The following DLG2 variants were observed in gnomAD, a reference collection of about 807,000 sequenced individuals.
The protein encoded by DLG2 is disks large homolog 2.
A neutral mutation model predicts 132.5 loss-of-function variants in DLG2; 45 were observed. The ratio of observed to expected loss-of-function variants is 0.34; its 90% CI spans 0.27 to 0.44. The LOEUF (loss-of-function observed/expected upper bound fraction) is 0.44, where lower values mean the gene tolerates loss of function less well. Among genes scored for constraint, DLG2 ranks in the 20% least tolerant of loss-of-function variants. DLG2 has a pLI of 1.00. For synonymous variants in DLG2, 424 were observed against 419.6 expected, an observed-to-expected ratio of 1.01 and a Z score of -0.13; for missense variants, 1,045 against 1,196.9, an observed-to-expected ratio of 0.87 and a Z score of 1.87.
chr11:84,260,192 A>G (rs1302368679), intron 7 of DLG2, among the ~76,000 whole-genome samples: 2 of 152,220 alleles, frequency 1.3e-5, no homozygotes, highest in Non-Finnish European at 2.9e-5. Context: ...TGAAGCACAG[A>G]AAGTAGAGAC....
intron 9 of DLG2, among the ~76,000 whole-genome samples, chr11:84,106,081 G>C (rs2092890828): frequency 1.3e-5 from 2 of 151,876 alleles, no homozygotes; most frequent in African/African-American, 4.8e-5. Context: ...AATATAAGTA[G>C]GTAGAATAAA....
At chr11:84,146,965 A>G (rs559015726) in intron 9 of DLG2, among the ~76,000 whole-genome samples, 1 of 152,230 alleles carries the variant, frequency 6.6e-6, no homozygotes, top group African/African-American at 2.4e-5. Flanking sequence ...TATGGCAAAA[A>G]GACCACATAG....
intron 16 of DLG2, among the ~76,000 whole-genome samples, chr11:83,855,108 A>G (rs928097747): frequency 2.0e-5 from 3 of 152,216 alleles, no homozygotes; most frequent in Non-Finnish European, 4.4e-5. Context: ...AATGCAAATT[A>G]TAACAATAAT....
intron 5 of DLG2, among the ~76,000 whole-genome samples, chr11:85,149,495 T>C (rs1025632314): frequency 2.6e-5 from 4 of 152,162 alleles, no homozygotes; most frequent in East Asian, 1.9e-4. Context: ...TCCCATCCCA[T>C]CTTTGTTCTA....
intron 4 of DLG2, among the ~76,000 whole-genome samples, chr11:85,179,841 G>T (rs1045250736): frequency 6.6e-6 from 1 of 151,864 alleles, no homozygotes; most frequent in African/African-American, 2.4e-5. Flanking sequence ...TTCTGCAAGT[G>T]CTTTACAAAG....
intron 7 of DLG2, among the ~76,000 whole-genome samples, chr11:84,253,994 G>A (rs919249097): frequency 1.9e-4 from 29 of 152,202 alleles, no homozygotes; most frequent in South Asian, 1.7e-3. Flanking sequence ...CAGGTTAGAC[G>A]TTGAACACAG....
At chr11:84,839,534 A>G (rs1457228538) in intron 6 of DLG2, among the ~76,000 whole-genome samples, 1 of 152,154 alleles carries the variant, frequency 6.6e-6, no homozygotes, top group Non-Finnish European at 1.5e-5. Context: ...CCGCATTGCC[A>G]AGACAATCCT....
At chr11:84,131,679 T>C (rs951888535) in intron 9 of DLG2, among the ~76,000 whole-genome samples, 81 of 151,816 alleles carry the variant, frequency 5.3e-4, no homozygotes, top group African/African-American at 1.8e-3. Flanking sequence ...ATGGGCCTTA[T>C]ATGCAAAGGT....
At chr11:83,784,787 A>G (rs2153882044) in intron 18 of DLG2, among the ~76,000 whole-genome samples, 2 of 152,334 alleles carry the variant, frequency 1.3e-5, no homozygotes, top group African/African-American at 4.8e-5. Flanking sequence ...ACACTTGATC[A>G]CTATCGAGAG....
At chr11:84,391,215 A>G (rs536920133) in intron 7 of DLG2, among the ~76,000 whole-genome samples, 54 of 152,328 alleles carry the variant, frequency 3.5e-4, no homozygotes, top group African/African-American at 1.3e-3. Flanking sequence ...AGCTCTAAAA[A>G]CAAGTGCTGA....
At chr11:84,921,770 T>C (rs184646630) in intron 6 of DLG2, among the ~76,000 whole-genome samples, 60 of 152,316 alleles carry the variant, frequency 3.9e-4, no homozygotes, top group African/African-American at 1.2e-3. Context: ...GTCATACCCA[T>C]ACTTTGGAAC....
chr11:84,745,161 T>G (rs1308270055), intron 6 of DLG2, among the ~76,000 whole-genome samples: 1 of 152,178 alleles, frequency 6.6e-6, no homozygotes, highest in East Asian at 1.9e-4. Context: ...TACCTATAAT[T>G]TATATGTAAG....
At chr11:85,487,708 G>A (rs2093461576) in intron 3 of DLG2, among the ~76,000 whole-genome samples, 1 of 152,074 alleles carries the variant, frequency 6.6e-6, no homozygotes, top group Admixed American at 6.5e-5. Context: ...ACAAATTATT[G>A]GTAGTTCCAA....
At chr11:84,735,097 CTCT>C (rs1276674280) in intron 6 of DLG2, among the ~76,000 whole-genome samples, 2 of 151,984 alleles carry the variant, frequency 1.3e-5, no homozygotes, top group Non-Finnish European at 2.9e-5. Flanking sequence ...GTCTAAAATT[CTCT>C]TTTTTGATTC....
intron 6 of DLG2, among the ~76,000 whole-genome samples, chr11:85,046,805 G>A (rs1443360822): frequency 1.3e-5 from 2 of 151,430 alleles, no homozygotes; most frequent in Non-Finnish European, 2.9e-5. Context: ...AAACCCCTTT[G>A]AATCCTAACT....
chr11:85,281,654 C>T (rs1474223167), intron 4 of DLG2, among the ~76,000 whole-genome samples: 1 of 151,896 alleles, frequency 6.6e-6, no homozygotes, highest in African/African-American at 2.4e-5. Flanking sequence ...ATCTGTCCTC[C>T]TCTTTGAGCT....
chr11:84,969,109 TC>T (rs1183144350), intron 6 of DLG2, among the ~76,000 whole-genome samples: 3 of 150,932 alleles, frequency 2.0e-5, no homozygotes, highest in African/African-American at 7.3e-5. Context: ...CTGTCTTCCC[TC>T]CTTTGTTCTA....
At chr11:84,522,864 A>T (rs1025990476) in intron 7 of DLG2, among the ~76,000 whole-genome samples, 10 of 152,220 alleles carry the variant, frequency 6.6e-5, no homozygotes, top group African/African-American at 1.9e-4. Context: ...AAGGTTATGC[A>T]TATGTTCCAA....
chr11:85,392,708 C>A (rs923808855), intron 3 of DLG2, among the ~76,000 whole-genome samples: 2 of 152,068 alleles, frequency 1.3e-5, no homozygotes, highest in African/African-American at 4.8e-5. Flanking sequence ...CAGACAAAAT[C>A]ATAAAGTGGG....
Sources: allele counts gnomAD v4.1 joint callset (sites outside exome capture counted in the v4.1 genomes callset), GRCh38; gene constraint gnomAD v4.1.1; transcripts MANE v1.5; gene names NCBI Gene and HGNC (gene_info 2026-07-23, HGNC 2026-07-21).